Variants in CSMD1 observed in about 807,000 individuals in gnomAD.
CSMD1 encodes the protein CUB and Sushi multiple domains 1.
In CSMD1, 213 loss-of-function variants were observed where a neutral mutation model predicts 417.5. That is an observed-to-expected ratio of 0.51 (90% CI 0.46 to 0.57). The LOEUF is 0.57. Among genes scored for constraint, CSMD1 ranks in the 20% least tolerant of loss-of-function variants. The probability of loss-of-function intolerance (pLI) is 0.00; values close to 1 mark genes in which losing one functional copy is unlikely to be tolerated. For synonymous variants in CSMD1, 2,862 were observed against 1,736.8 expected, an observed-to-expected ratio of 1.65 and a Z score of -16.11; for missense variants, 6,923 against 4,529.7, an observed-to-expected ratio of 1.53 and a Z score of -15.17.
chr8:2,980,574 G>C (rs529250827), intron 54 of CSMD1, among the ~76,000 whole-genome samples: 3 of 151,718 alleles, frequency 2.0e-5, no homozygotes, highest in South Asian at 2.1e-4. Flanking sequence ...TACTGGTGCA[G>C]TAACAACAGG....
At chr8:4,230,408 T>C (rs1801648144) in intron 3 of CSMD1, among the ~76,000 whole-genome samples, 2 of 152,218 alleles carry the variant, frequency 1.3e-5, no homozygotes, top group African/African-American at 2.4e-5. Context: ...TGATCTTGTA[T>C]ATAATCCAAG....
chr8:3,230,274 G>A lies in CSMD1; in HGVS notation c.4154-43C>T, dbSNP rs1004595566. 10 of 1,476,064 alleles carry A rather than the reference G, an allele frequency of 6.8e-6. No individual in the cohort carries two copies. The African/African-American group carries it at 1.4e-4, about 21-fold the overall frequency. 91.4% of individuals were successfully genotyped at this position (1,476,064 alleles called of 1,614,324 possible). Reference sequence around the variant, plus strand: ...GGCAAGGTCACAGGCTGGAAAACATGGTTTCCACATTCTTGTCGGTGTGGT... The same window carrying A: ...GGCAAGGTCACAGGCTGGAAAACATAGTTTCCACATTCTTGTCGGTGTGGT... On this transcript the variant is annotated intron_variant, in intron 26 of 69. Coordinates refer to ENST00000635120, the MANE Select transcript of CSMD1 (RefSeq NM_033225.6).
At chr8:3,888,693 G>C (rs1038477958) in intron 5 of CSMD1, among the ~76,000 whole-genome samples, 1 of 152,118 alleles carries the variant, frequency 6.6e-6, no homozygotes, top group Admixed American at 6.5e-5. Context: ...AGGCTGCCGG[G>C]ACAGAGATGG....
intron 7 of CSMD1, among the ~76,000 whole-genome samples, chr8:3,661,081 G>A (rs1257965040): frequency 6.6e-6 from 1 of 152,154 alleles, no homozygotes; most frequent in African/African-American, 2.4e-5. Flanking sequence ...GAAAACAAAT[G>A]CTAGGATACA....
intron 8 of CSMD1, 100 bp from the exon 9 acceptor site, chr8:3,586,360 C>A: frequency 8.7e-7 from 1 of 1,154,000 alleles, no homozygotes. Context: ...CGATCTTGTT[C>A]AGTTAAAACA....
intron 1 of CSMD1, among the ~76,000 whole-genome samples, chr8:4,917,462 A>G (rs780201315): frequency 4.6e-5 from 7 of 152,020 alleles, no homozygotes; most frequent in Non-Finnish European, 7.4e-5. Context: ...GTGAAACTCC[A>G]TCTCTACTAA....
At chr8:4,610,695 G>T (rs564601450) in intron 2 of CSMD1, among the ~76,000 whole-genome samples, 1 of 152,290 alleles carries the variant, frequency 6.6e-6, no homozygotes, top group South Asian at 2.1e-4. Context: ...CTTTCAAAAA[G>T]TAGGTTTTAT....
At chr8:3,030,058 G>A (rs1419695894) in intron 50 of CSMD1, among the ~76,000 whole-genome samples, 2 of 151,996 alleles carry the variant, frequency 1.3e-5, no homozygotes, top group Non-Finnish European at 2.9e-5. Flanking sequence ...TTCCAAAAAT[G>A]TTTAACAAGT....
intron 3 of CSMD1, among the ~76,000 whole-genome samples, chr8:4,336,512 G>C (rs182710638): frequency 1.4e-3 from 214 of 152,236 alleles, no homozygotes; most frequent in Non-Finnish European, 2.4e-3. Flanking sequence ...CATGGTGCCT[G>C]GCCAATAACG....
At chr8:3,935,563 T>C (rs1450276926) in intron 5 of CSMD1, among the ~76,000 whole-genome samples, 1 of 152,166 alleles carries the variant, frequency 6.6e-6, no homozygotes, top group Admixed American at 6.6e-5. Context: ...GGTATATGAT[T>C]GTACTTGCTA....
intron 3 of CSMD1, among the ~76,000 whole-genome samples, chr8:4,171,768 G>C (rs1306744918): frequency 6.6e-6 from 1 of 151,538 alleles, no homozygotes; most frequent in African/African-American, 2.4e-5. Context: ...TTTATTTCTT[G>C]GCTCACAATC....
intron 2 of CSMD1, among the ~76,000 whole-genome samples, chr8:4,441,996 C>G (rs573663033): frequency 7.2e-5 from 11 of 152,308 alleles, no homozygotes; most frequent in Admixed American, 7.2e-4. Flanking sequence ...AAAAGGTAGA[C>G]TTGCCCTGAG....
chr8:2,955,716 G>A lies in CSMD1; in HGVS notation c.9867C>T (p.Ile3289=), dbSNP rs780321836. The A allele has an allele frequency of 1.9e-5, 31 of 1,613,748 alleles. No individual in the cohort carries two copies. The highest frequency in any genetic ancestry group is 1.7e-4 in the Admixed American group (10 of 59,994). The part of the protein sequence containing the change: ...ETPAHADVRA[I]DLPTFGYTLV... ...AGGTGTAGCCGAAAGTAGGAAGATC[G>A]ATGGCTCTCACATCCGCGTGTGCCG... is the stretch of plus-strand genomic sequence containing the variant. The change falls in exon 64 of 70, where the codon ATC becomes ATT. Residue 3289 remains isoleucine, a synonymous_variant. Transcript: ENST00000635120.
intron 2 of CSMD1, among the ~76,000 whole-genome samples, chr8:4,452,204 T>TA (rs1167086369): frequency 7.9e-5 from 12 of 152,296 alleles, no homozygotes; most frequent in Non-Finnish European, 1.3e-4. Flanking sequence ...TTCTGCTTTT[T>TA]ATCAGTTTGA....
At chr8:3,432,925 C>A (rs1263141066) in intron 12 of CSMD1, among the ~76,000 whole-genome samples, 2 of 152,144 alleles carry the variant, frequency 1.3e-5, no homozygotes, top group African/African-American at 4.8e-5. Context: ...TTCTTCTAAT[C>A]ATTGAAGAAC....
intron 36 of CSMD1, among the ~76,000 whole-genome samples, chr8:3,186,698 G>A (rs1024981047): frequency 2.0e-5 from 3 of 152,100 alleles, no homozygotes; most frequent in Non-Finnish European, 4.4e-5. Context: ...ATATATTCCA[G>A]CCTCCCTTTG....
intron 7 of CSMD1, among the ~76,000 whole-genome samples, chr8:3,682,748 T>C (rs1191053717): frequency 6.6e-6 from 1 of 152,202 alleles, no homozygotes; most frequent in Non-Finnish European, 1.5e-5. Context: ...CACACGTATG[T>C]TTATTGCGGC....
intron 3 of CSMD1, among the ~76,000 whole-genome samples, chr8:4,052,422 T>G (rs904554419): frequency 2.0e-5 from 3 of 152,168 alleles, no homozygotes; most frequent in Admixed American, 6.5e-5. Flanking sequence ...ATATTGGAGA[T>G]CCCAAATATC....
intron 6 of CSMD1, among the ~76,000 whole-genome samples, chr8:3,750,745 G>C (rs528413252): frequency 6.6e-6 from 1 of 152,218 alleles, no homozygotes; most frequent in Admixed American, 6.5e-5. Context: ...GCCCCGTGTG[G>C]AGGGCTGGGT....
Sources: gnomAD v4.1 joint callset for allele counts (sites outside exome capture counted in the v4.1 genomes callset) on GRCh38, gnomAD v4.1.1 for gene constraint, MANE v1.5 for transcripts, NCBI Gene and HGNC (gene_info 2026-07-23, HGNC 2026-07-21) for gene names.